The following DDX10 variants were observed in gnomAD, a reference collection of about 807,000 sequenced individuals.
DDX10 encodes the protein DEAD-box helicase 10.
Under a neutral mutation model 104.3 loss-of-function variants are expected in DDX10, and 74 were observed. The observed-to-expected ratio is 0.71, with a 90% CI of 0.59 to 0.86. The LOEUF is 0.86. DDX10 is among the 40% of genes least tolerant of loss of function. The pLI is 0.00. For synonymous variants in DDX10, 351 were observed against 353.4 expected (o/e 0.99, Z 0.08); for missense variants, 952 against 1,040.0 (o/e 0.92, Z 1.16).
chr11:108,855,919 A>G (rs188955253), intron 16 of DDX10, among the ~76,000 whole-genome samples: 8 of 152,358 alleles, frequency 5.3e-5, no homozygotes, highest in African/African-American at 9.6e-5. Flanking sequence ...AGGTGTGGGG[A>G]AAATATGTCA....
chr11:108,666,395 G>A (rs1462260191), intron 1 of DDX10, among the ~76,000 whole-genome samples: 1 of 152,088 alleles, frequency 6.6e-6, no homozygotes, highest in African/African-American at 2.4e-5. Flanking sequence ...CAAGAGAATC[G>A]CTTGAACCCG....
chr11:108,890,352 C>T (rs115276852), intron 16 of DDX10, among the ~76,000 whole-genome samples: 175 of 152,268 alleles, frequency 1.1e-3, no homozygotes, highest in African/African-American at 4.1e-3. Context: ...GACTTCTGCT[C>T]TCTAGTTACT....
intron 16 of DDX10, among the ~76,000 whole-genome samples, chr11:108,877,489 C>A (rs192728646): frequency 6.6e-6 from 1 of 152,304 alleles, no homozygotes; most frequent in Admixed American, 6.5e-5. Context: ...CCTATTGTTA[C>A]AGCATAGTTG....
chr11:108,668,431 T>G (rs572469248), intron 1 of DDX10, among the ~76,000 whole-genome samples: 1 of 152,346 alleles, frequency 6.6e-6, no homozygotes, highest in South Asian at 2.1e-4. Flanking sequence ...TTTAGAAATA[T>G]TTTCTTAAGA....
At position 108,855,945 on chromosome 11, in the gene DDX10, A is replaced by C. The variant is rs1862862422; in HGVS notation, c.2304+3736A>C. Among the ~76,000 whole-genome samples the C allele has an allele frequency of 3.9e-5, 6 of 152,146 alleles. No individual in the cohort carries two copies. In the South Asian group the frequency reaches 1.2e-3, roughly 32 times the overall value. On this transcript the variant is annotated intron_variant, in intron 16 of 17. Coordinates refer to ENST00000322536, the MANE Select transcript of DDX10 (RefSeq NM_004398.4). ...AAATATGTCATACATTTTGAGGTTG[A>C]AGTTTTATAGATGTACATTTTCACT...
At chr11:108,783,109 A>G (rs769325696) in intron 13 of DDX10, among the ~76,000 whole-genome samples, 3 of 152,132 alleles carry the variant, frequency 2.0e-5, no homozygotes, top group Non-Finnish European at 2.9e-5. Flanking sequence ...TTTGTCATGT[A>G]TAGGTGTCTA....
chr11:108,779,267 G>A (rs1245907082), intron 13 of DDX10, among the ~76,000 whole-genome samples: 1 of 152,308 alleles, frequency 6.6e-6, no homozygotes, highest in East Asian at 1.9e-4. Context: ...ATTCACAATA[G>A]CAAAGACTTG....
chr11:108,848,398 C>T (rs2134602376), intron 15 of DDX10, among the ~76,000 whole-genome samples: 1 of 152,228 alleles, frequency 6.6e-6, no homozygotes, highest in Non-Finnish European at 1.5e-5. Flanking sequence ...TATCTGGTGC[C>T]TAATTCTGAA....
At chr11:108,850,513 C>G (rs1862776769) in intron 15 of DDX10, among the ~76,000 whole-genome samples, 1 of 151,990 alleles carries the variant, frequency 6.6e-6, no homozygotes, top group South Asian at 2.1e-4. Context: ...TGAATAATTA[C>G]AACAAAAATT....
intron 15 of DDX10, among the ~76,000 whole-genome samples, chr11:108,849,562 A>G (rs563889575): frequency 6.6e-6 from 1 of 152,178 alleles, no homozygotes; most frequent in Admixed American, 6.5e-5. Context: ...AGTATTTTAT[A>G]CCTTGAAATT....
chr11:108,911,556 C>CTT (rs869132450), intron 16 of DDX10, among the ~76,000 whole-genome samples: 9 of 63,760 alleles, frequency 1.4e-4, no homozygotes, highest in African/African-American at 4.7e-4. Flanking sequence ...GCCTCCTCTT[C>CTT]TTTTTTTTTT....
rs71050884 is a variant in DDX10, at chr11:108,728,504, C to CTTTTT, written c.1965+5065_1965+5069dup. Among the ~76,000 whole-genome samples, 154 of 121,782 alleles carry CTTTTT rather than the reference C, an allele frequency of 1.3e-3. 31 individuals carry two copies. The highest frequency in any genetic ancestry group is 6.2e-3 in the African/African-American group (151 of 24,400). The allele number at this position is 121,782 out of a possible 152,430, so 79.9% of individuals were successfully genotyped here. On this transcript the variant is annotated intron_variant, in intron 13 of 17. Coordinates refer to ENST00000322536, the MANE Select transcript of DDX10 (RefSeq NM_004398.4). ...TTTTAAGTATACATACACATTTGTT[C>CTTTTT]TTTTTTTTTTTTTTTTTTTTTTTTT...
Position 108,748,677 on chromosome 11 carries a change from ATTTAT to A in DDX10, c.1965+25218_1965+25222del, listed in dbSNP as rs1475408619. Among the ~76,000 whole-genome samples the A allele has an allele frequency of 2.6e-5, 4 of 151,980 alleles. No homozygotes were observed. The East Asian group carries it at 5.8e-4, about 22-fold the overall frequency. On this transcript the variant is annotated intron_variant, in intron 13 of 17. Transcript: ENST00000322536. ...CTGTTTTTGATCAGCTCTTGTACTC[ATTTAT>A]TTAATTTTTTTTTTAAGAAGTGGAG...
chr11:108,757,801 G>A (rs1014636330), intron 13 of DDX10, among the ~76,000 whole-genome samples: 2 of 151,684 alleles, frequency 1.3e-5, no homozygotes, highest in Non-Finnish European at 2.9e-5. Flanking sequence ...TTTTCTTACT[G>A]TCTGTCAATC....
Position 108,724,875 on chromosome 11 carries a change from A to G in DDX10, c.1965+1413A>G, listed in dbSNP as rs559748688. Among the ~76,000 whole-genome samples the G allele has an allele frequency of 3.9e-5, 6 of 152,242 alleles. No homozygotes were observed. The East Asian group carries it at 7.7e-4, about 20-fold the overall frequency. Reference sequence around the variant, plus strand: ...GTTTTACTCTATGTCAGTTATCTAAATCAATCTAACTCTTTAATATATACA... The same window carrying G: ...GTTTTACTCTATGTCAGTTATCTAAGTCAATCTAACTCTTTAATATATACA... On this transcript the variant is annotated intron_variant, in intron 13 of 17. Transcript: ENST00000322536.
intron 16 of DDX10, among the ~76,000 whole-genome samples, chr11:108,871,234 G>A (rs1863078033): frequency 6.6e-6 from 1 of 152,010 alleles, no homozygotes; most frequent in Admixed American, 6.5e-5. Flanking sequence ...ATACAAGCAT[G>A]ACACTTAGGT....
chr11:108,919,466 G>A (rs1009937258), intron 17 of DDX10: 2 of 152,174 alleles, frequency 1.3e-5, no homozygotes, highest in African/African-American at 4.8e-5. Context: ...AACCCCAGTG[G>A]GGTCAGGTTT....
At chr11:108,710,104 T>C (rs892443627) in intron 10 of DDX10, among the ~76,000 whole-genome samples, 1 of 152,128 alleles carries the variant, frequency 6.6e-6, no homozygotes, top group African/African-American at 2.4e-5. Flanking sequence ...AAAAATACAG[T>C]ATAAAAGATA....
intron 16 of DDX10, among the ~76,000 whole-genome samples, chr11:108,892,865 A>G (rs1863394453): frequency 6.6e-6 from 1 of 152,068 alleles, no homozygotes; most frequent in Admixed American, 6.6e-5. Context: ...CATGTGTACA[A>G]CTGGCCCTTA....
Sources: gnomAD v4.1 joint callset for allele counts (sites outside exome capture counted in the v4.1 genomes callset) on GRCh38, gnomAD v4.1.1 for gene constraint, MANE v1.5 for transcripts, NCBI Gene and HGNC (gene_info 2026-07-23, HGNC 2026-07-21) for gene names.